ASAP1: variants seen among roughly 807,000 people sequenced by gnomAD.
ASAP1 encodes ArfGAP with SH3 domain, ankyrin repeat and PH domain 1, also known as arf-GAP with SH3 domain, ANK repeat and PH domain-containing protein 1.
ASAP1 carries 43 observed loss-of-function variants against 145.2 expected under a neutral mutation model. The observed-to-expected ratio is 0.30, with a 90% confidence interval of 0.23 to 0.38. The LOEUF (loss-of-function observed/expected upper bound fraction) is 0.38, where lower values mean the gene tolerates loss of function less well. Among genes scored for constraint, ASAP1 ranks in the 10% least tolerant of loss-of-function variants. ASAP1 has a pLI of 1.00. For missense variants in ASAP1, 1,018 were observed against 1,355.3 expected, an observed-to-expected ratio of 0.75 and a Z score of 3.91; for synonymous variants, 546 against 515.5, an observed-to-expected ratio of 1.06 and a Z score of -0.80.
At chr8:130,211,981 G>A (rs1816612118) in intron 5 of ASAP1, among the ~76,000 whole-genome samples, 1 of 152,182 alleles carries the variant, frequency 6.6e-6, no homozygotes, top group African/African-American at 2.4e-5. Flanking sequence ...TCAGCTGGGG[G>A]CTGCAGGTGC....
intron 24 of ASAP1, 99 bp downstream of exon 24, chr8:130,111,995 T>C (rs2097547673): frequency 8.6e-7 from 1 of 1,163,944 alleles, no homozygotes; most frequent in Non-Finnish European, 1.3e-6. Flanking sequence ...CAAATGTACC[T>C]TGCAATTCTT....
At chr8:130,382,302 A>G (rs1827815267) in intron 2 of ASAP1, among the ~76,000 whole-genome samples, 1 of 151,668 alleles carries the variant, frequency 6.6e-6, no homozygotes, top group African/African-American at 2.4e-5. Context: ...AAAAAAAAAA[A>G]AAAAAAAGAA....
chr8:130,411,774 G>T (rs527882219), intron 1 of ASAP1, among the ~76,000 whole-genome samples: 1 of 152,300 alleles, frequency 6.6e-6, no homozygotes, highest in African/African-American at 2.4e-5. Context: ...TGACTCAGCG[G>T]CTTCCCAGCA....
chr8:130,312,658 G>C (rs1481100039), intron 3 of ASAP1, among the ~76,000 whole-genome samples: 1 of 152,110 alleles, frequency 6.6e-6, no homozygotes, highest in East Asian at 1.9e-4. Context: ...AGGAAAACAA[G>C]GCTAAAGGAA....
intron 2 of ASAP1, among the ~76,000 whole-genome samples, chr8:130,378,179 C>T (rs1382133939): frequency 6.6e-6 from 1 of 152,192 alleles, no homozygotes; most frequent in South Asian, 2.1e-4. Context: ...AATAGTAGTG[C>T]CTACTTAATA....
chr8:130,189,203 T>C (rs1415167635), intron 5 of ASAP1, among the ~76,000 whole-genome samples: 1 of 152,178 alleles, frequency 6.6e-6, no homozygotes, highest in Non-Finnish European at 1.5e-5. Flanking sequence ...TTGAAATATA[T>C]AATAAAAATC....
chr8:130,443,598 T>C lies in ASAP1; in HGVS notation c.-166A>G, dbSNP rs1830570450. ...GGGCCCGGGGCTGCCCAGCGCACAG[T>C]GCTCGCCCGCGGCAGCGGCCAGGCC... On this transcript the variant is annotated 5_prime_UTR_variant, in exon 1 of 30. Transcript: ENST00000518721. The C allele has an allele frequency of 6.6e-6, 1 of 150,830 alleles. No homozygotes were observed. The highest frequency in any genetic ancestry group is 2.4e-5 in the African/African-American group (1 of 41,228). The allele number at this position is 150,830 out of a possible 1,614,324, so 9.3% of individuals were successfully genotyped here.
At chr8:130,163,586 T>G (rs1252651047) in intron 11 of ASAP1, among the ~76,000 whole-genome samples, 1 of 152,238 alleles carries the variant, frequency 6.6e-6, no homozygotes, top group Non-Finnish European at 1.5e-5. Context: ...GATTATTACT[T>G]GTGCTCTTTG....
intron 5 of ASAP1, among the ~76,000 whole-genome samples, chr8:130,209,980 C>A (rs1283939006): frequency 6.6e-6 from 1 of 152,176 alleles, no homozygotes; most frequent in African/African-American, 2.4e-5. Context: ...GAATTTGCCA[C>A]GAGCTGACAG....
intron 4 of ASAP1, among the ~76,000 whole-genome samples, chr8:130,220,722 T>G (rs926148432): frequency 6.6e-6 from 1 of 152,124 alleles, no homozygotes; most frequent in Non-Finnish European, 1.5e-5. Context: ...GCTGGGTAAT[T>G]TATTTAAAAA....
chr8:130,242,692 G>A (rs959115044), intron 3 of ASAP1, among the ~76,000 whole-genome samples: 8 of 152,118 alleles, frequency 5.3e-5, no homozygotes, highest in Non-Finnish European at 1.0e-4. Context: ...GAACATATAC[G>A]TGAATAATCA....
intron 2 of ASAP1, among the ~76,000 whole-genome samples, chr8:130,392,644 GT>G (rs1419812060): frequency 6.6e-6 from 1 of 152,178 alleles, no homozygotes; most frequent in Non-Finnish European, 1.5e-5. Context: ...CTGAAGCTGG[GT>G]AATTAATAAA....
intron 3 of ASAP1, among the ~76,000 whole-genome samples, chr8:130,276,687 A>AACACACACACACACACAC (rs1161892776): frequency 1.1e-5 from 1 of 91,626 alleles, no homozygotes; most frequent in Non-Finnish European, 2.2e-5. Flanking sequence ...CAAGACTGCA[A>AACACACACACACACACAC]ACACACACAC....
intron 29 of ASAP1, 106 bp from the exon 30 acceptor site, chr8:130,054,911 G>A (rs1564907879): frequency 5.9e-6 from 5 of 851,928 alleles, no homozygotes; most frequent in Non-Finnish European, 1.0e-5. Flanking sequence ...ACCTGGCGGT[G>A]GAATCCCAGG....
intron 3 of ASAP1, among the ~76,000 whole-genome samples, chr8:130,289,980 T>G (rs1259898154): frequency 6.6e-6 from 1 of 152,132 alleles, no homozygotes; most frequent in Non-Finnish European, 1.5e-5. Flanking sequence ...CAAATAACAG[T>G]GGACCTATAA....
At chr8:130,127,715 C>G (rs1225560518) in intron 16 of ASAP1, among the ~76,000 whole-genome samples, 2 of 151,988 alleles carry the variant, frequency 1.3e-5, no homozygotes, top group African/African-American at 4.8e-5. Flanking sequence ...GGCAGTGACA[C>G]CTAGGAGAGC....
intron 1 of ASAP1, among the ~76,000 whole-genome samples, chr8:130,437,281 A>G (rs981865201): frequency 1.3e-5 from 2 of 152,240 alleles, no homozygotes. Context: ...ATAGAGTCCC[A>G]GTTCCCAATC....
chr8:130,257,960 T>A (rs988932271), intron 3 of ASAP1, among the ~76,000 whole-genome samples: 1 of 152,328 alleles, frequency 6.6e-6, no homozygotes, highest in African/African-American at 2.4e-5. Context: ...TTACATGGCC[T>A]GTATAATATC....
chr8:130,348,674 A>G (rs1825829604), intron 3 of ASAP1, among the ~76,000 whole-genome samples: 1 of 152,238 alleles, frequency 6.6e-6, no homozygotes, highest in African/African-American at 2.4e-5. Flanking sequence ...TGAAGCACAC[A>G]GAAATGAAAA....
Sources: gnomAD v4.1 joint callset for allele counts (sites outside exome capture counted in the v4.1 genomes callset) on GRCh38, gnomAD v4.1.1 for gene constraint, MANE v1.5 for transcripts, NCBI Gene and HGNC (gene_info 2026-07-23, HGNC 2026-07-21) for gene names.